Variants in ANAPC2 observed in about 807,000 individuals in gnomAD.
The protein encoded by ANAPC2 is anaphase promoting complex subunit 2, also known as anaphase-promoting complex subunit 2.
In ANAPC2, 29 loss-of-function variants were observed where a neutral mutation model predicts 84.3. The observed-to-expected ratio is 0.34, with a 90% CI of 0.26 to 0.47. The LOEUF is 0.47. ANAPC2 is among the 20% of genes least tolerant of loss of function. The pLI, the probability that ANAPC2 is intolerant of heterozygous loss-of-function variation, is 1.00. For synonymous variants in ANAPC2, 571 were observed against 479.4 expected, an observed-to-expected ratio of 1.19 and a Z score of -2.50; for missense variants, 857 against 1,131.7, an observed-to-expected ratio of 0.76 and a Z score of 3.48.
At chr9:137,187,343 A>G in intron 2 of ANAPC2, 138 bp downstream of exon 2, 1 of 1,129,472 alleles carries the variant, frequency 8.9e-7, no homozygotes, top group South Asian at 1.6e-5. Flanking sequence ...GCTGCACAGG[A>G]ATCCCTGGGA....
In ANAPC2 at chr9:137,175,840, A is replaced by G; in HGVS notation, c.1891-3T>C. 6.2e-7 allele frequency: 1 copy of G among 1,602,464 alleles called. No homozygotes were observed. Among genetic ancestry groups the G allele is most frequent in the Non-Finnish European group, 8.5e-7 (1 of 1,174,714 alleles). ...TTCCAACTGAGGGTCCGCATGGCCT[A>G]AGGAGGGCCAGGGTCAGCACGGGCA... On this transcript the variant is annotated splice_region_variant and splice_polypyrimidine_tract_variant and intron_variant, in intron 10 of 12. Transcript: ENST00000323927.
At position 137,175,376 on chromosome 9, in the gene ANAPC2, C is replaced by T. The variant is rs144294113; in HGVS notation, c.2117G>A (p.Arg706His). 3,541 of 1,610,874 alleles carry T rather than the reference C, an allele frequency of 2.2e-3. 9 individuals carry two copies. The highest frequency in any genetic ancestry group is 2.6e-3 in the Non-Finnish European group (3,105 of 1,179,274). ...AGAGAAGGTGCCGGGGGGCTCCTCA[C>T]GCAGCACACCCTGCTGCAGCCACAC... ...MSVWLQQGVL[R>H]EEPPGTFSVI... The change falls in exon 12 of 13, where the codon CGT becomes CAT. Residue 706 changes from arginine to histidine, a missense_variant. Arg to His is a conservative substitution (Grantham distance 29). This residue lies in a region of ANAPC2 where 425 missense variants were observed against 595.5 expected (regional missense o/e 0.71). Transcript: ENST00000323927.
chr9:137,183,581 G>A (rs947753958), intron 5 of ANAPC2, 91 bp downstream of exon 5: 51 of 1,516,754 alleles, frequency 3.4e-5, no homozygotes, highest in Non-Finnish European at 4.1e-5. Context: ...CAAGTCCAGG[G>A]CTGGCAGACT....
chr9:137,188,295 T>C, intron 1 of ANAPC2, 121 bp downstream of exon 1: 1 of 1,312,580 alleles, frequency 7.6e-7, no homozygotes, highest in South Asian at 1.4e-5. Context: ...TGGTGGAAAA[T>C]GGCAGGACAG....
chr9:137,186,080 C>T (rs892523377), intron 3 of ANAPC2, 144 bp downstream of exon 3: 6 of 1,155,912 alleles, frequency 5.2e-6, no homozygotes, highest in Admixed American at 2.4e-5. Context: ...GTCTCTACCC[C>T]ACATCAAGAC....
intron 7 of ANAPC2, among the ~76,000 whole-genome samples, 155 bp downstream of exon 7, chr9:137,181,526 C>T (rs1054754560): frequency 2.0e-5 from 3 of 152,192 alleles, no homozygotes; most frequent in Non-Finnish European, 4.4e-5. Context: ...TGGCAGGTGG[C>T]GGAGCACTGC....
In ANAPC2 at chr9:137,175,065, C is replaced by T. The variant is rs138212843; in HGVS notation, c.2346G>A (p.Val782=). 365 of 1,607,200 alleles carry T rather than the reference C, an allele frequency of 2.3e-4. No homozygotes were observed. The highest frequency in any genetic ancestry group is 6.6e-4 in the Middle Eastern group (4 of 6,050). ...CAATCTCGGCCAGTGCAGGCCCAGTCACCACAAACATGCGGAGCATGTTGT... is the reference window on the plus strand; with the variant it reads ...CAATCTCGGCCAGTGCAGGCCCAGTTACCACAAACATGCGGAGCATGTTGT... ...RIYNMLRMFV[V]TGPALAEIDL... is the part of the protein sequence containing the mutation. Residue 782 remains valine, a synonymous_variant, in exon 13 of 13, where the codon GTG becomes GTA. Coordinates refer to ENST00000323927, the MANE Select transcript of ANAPC2 (RefSeq NM_013366.4).
intron 11 of ANAPC2, 105 bp from the exon 12 acceptor site, chr9:137,175,577 G>A: frequency 2.0e-6 from 3 of 1,479,642 alleles, no homozygotes; most frequent in Admixed American, 2.2e-5. Flanking sequence ...ACCCTGCCTT[G>A]CCCGTGGGAA....
chr9:137,187,774 C>T lies in ANAPC2; in HGVS notation c.447G>A (p.Leu149=), dbSNP rs1834510119. 1 of 1,613,722 alleles carries T rather than the reference C, an allele frequency of 6.2e-7. No individual in the cohort carries two copies. The change falls in exon 2 of 13, where the codon CTG becomes CTA. Residue 149 remains leucine (L), a synonymous_variant. Coordinates refer to ENST00000323927, the MANE Select transcript of ANAPC2 (RefSeq NM_013366.4). ...GCAACATAGTGTGGACTTCTTCTCG[C>T]AGCCCCTGAGCACCAGTGCCCATCA... is the stretch of plus-strand genomic sequence containing the variant. The part of the protein sequence containing the change: ...GLLMGTGAQG[L]REEVHTMLRG...
intron 10 of ANAPC2, chr9:137,176,072 C>T: frequency 4.3e-6 from 2 of 468,086 alleles, no homozygotes; most frequent in South Asian, 5.4e-5. Flanking sequence ...CTACAGGGGC[C>T]TCCTGACCCC....
intron 2 of ANAPC2, 61 bp from the exon 3 acceptor site, chr9:137,186,417 C>T: frequency 2.0e-6 from 3 of 1,527,380 alleles, no homozygotes; most frequent in Non-Finnish European, 2.6e-6. Context: ...TAGCCCAGAA[C>T]AGCCCCATGC....
In ANAPC2 at chr9:137,186,363, G is replaced by A. The variant is rs1419223981; in HGVS notation, c.741-7C>T. On this transcript the variant is annotated splice_polypyrimidine_tract_variant and splice_region_variant and intron_variant, in intron 2 of 12. Transcript: ENST00000323927. ...CAGCAGACTGAGCCTGTGTCTAGAG[G>A]AGAGCCCTGGCCATGGGGCACCCAG... The A allele has an allele frequency of 7.5e-6, 12 of 1,595,076 alleles. No homozygotes were observed. Among genetic ancestry groups the A allele is most frequent in the African/African-American group, 5.4e-5 (4 of 74,440 alleles).
intron 6 of ANAPC2, among the ~76,000 whole-genome samples, chr9:137,182,505 T>C (rs1291780377): frequency 6.7e-6 from 1 of 150,294 alleles, no homozygotes; most frequent in South Asian, 2.1e-4. Context: ...TGAGACTCCA[T>C]CTCAAAAAAA....
chr9:137,174,807 G>A lies in ANAPC2; in HGVS notation c.*135C>T, dbSNP rs1456913771. On this transcript the variant is annotated 3_prime_UTR_variant, in exon 13 of 13. Transcript: ENST00000323927. The surrounding 1 kb of genome is among the most constrained non-coding windows in gnomAD (Gnocchi z 6.1). Reference sequence around the variant, plus strand: ...AGGATGATCTGACTTGCTTTAATCTGCACACTGCGGGGGTGGGGGTGGGCA... The same window carrying A: ...AGGATGATCTGACTTGCTTTAATCTACACACTGCGGGGGTGGGGGTGGGCA... 4 of 1,428,068 alleles carry A rather than the reference G, an allele frequency of 2.8e-6. No individual in the cohort carries two copies. The African/African-American group carries it at 4.3e-5, about 15-fold the overall frequency. The allele number at this position is 1,428,068 out of a possible 1,614,324, so 88.5% of individuals were successfully genotyped here.
In ANAPC2 at chr9:137,183,187, G is replaced by T. The variant is rs11549105; in HGVS notation, c.1224C>A (p.Arg408=). Residue 408 remains arginine, a synonymous_variant, in exon 6 of 13, where the codon CGC becomes CGA. Transcript: ENST00000323927. ...TLYISAIKAL[R]VLDPSMVILE... ...GGATGACCATGGAAGGGTCCAGCAC[G>T]CGCAGCGCCTTGATGGCAGAGATAT... 2.3e-5 allele frequency: 37 copies of T among 1,613,054 alleles called. No homozygotes were observed. The highest frequency in any genetic ancestry group is 3.1e-5 in the Non-Finnish European group (37 of 1,179,910).
intron 10 of ANAPC2, among the ~76,000 whole-genome samples, chr9:137,177,514 G>A (rs967972454): frequency 1.3e-5 from 2 of 152,176 alleles, no homozygotes; most frequent in Non-Finnish European, 2.9e-5. Flanking sequence ...CCTGGACCTC[G>A]TTAAGATGCA....
At chr9:137,180,050 G>A (rs1203845777) in intron 10 of ANAPC2, 131 bp downstream of exon 10, 7 of 970,462 alleles carry the variant, frequency 7.2e-6, no homozygotes, top group African/African-American at 4.9e-5. Flanking sequence ...CTGCAGAGGC[G>A]GCTGCGAGAC....
intron 1 of ANAPC2, 59 bp from the exon 2 acceptor site, chr9:137,188,162 G>C: frequency 6.4e-7 from 1 of 1,562,910 alleles, no homozygotes; most frequent in Non-Finnish European, 8.6e-7. Context: ...GGAGAGGCGG[G>C]GAAGGGAAGA....
At position 137,180,889 on chromosome 9, in the gene ANAPC2, G is replaced by A. The variant is rs369305213; in HGVS notation, c.1509C>T (p.Ser503=). ...TGCTGCCGTAGATGCTGACCAGCAG[G>A]CTGATGATGTCCGATGAACGCCGCT... ...SSKRRSSDII[S]LLVSIYGSKD... is the part of the protein sequence containing the mutation. Residue 503 remains serine (S), a synonymous_variant, in exon 8 of 13, where the codon AGC becomes AGT. Coordinates refer to ENST00000323927, the MANE Select transcript of ANAPC2 (RefSeq NM_013366.4). 33 of 1,613,538 alleles carry A rather than the reference G, an allele frequency of 2.0e-5. No individual in the cohort carries two copies. Among genetic ancestry groups the A allele is most frequent in the Non-Finnish European group, 2.7e-5 (32 of 1,179,946 alleles).
Sources: allele counts gnomAD v4.1 joint callset (sites outside exome capture counted in the v4.1 genomes callset), GRCh38; gene constraint gnomAD v4.1.1; regional missense constraint gnomAD v4.1.1; non-coding constraint Gnocchi (gnomAD v3.1); transcripts MANE v1.5; gene names NCBI Gene and HGNC (gene_info 2026-07-23, HGNC 2026-07-21).